Variants in REDIC1 observed in about 807,000 individuals in gnomAD.
REDIC1 encodes the protein HEI10 Interacting Protein 1.
At chr12:39,693,463 A>T in the REDIC1 span, among the ~76,000 whole-genome samples, 7 of 150,990 alleles carry the variant, frequency 4.6e-5, no homozygotes, top group Admixed American at 6.6e-5. Context: ...GTCCATTTTT[A>T]AAAAAATAAA....
chr12:39,755,845 A>T, the REDIC1 span: 1 of 152,084 alleles, frequency 6.6e-6, no homozygotes, highest in Non-Finnish European at 1.5e-5. Context: ...CTCACTAGCA[A>T]ATTATACGGA....
At chr12:39,658,787 A>G in the REDIC1 span, among the ~76,000 whole-genome samples, 4 of 152,202 alleles carry the variant, frequency 2.6e-5, no homozygotes, top group African/African-American at 4.8e-5. Context: ...ATCACAGATT[A>G]TCTTCAAGTT....
the REDIC1 span, chr12:39,626,390 G>A: frequency 2.9e-5 from 46 of 1,613,744 alleles, no homozygotes; most frequent in Non-Finnish European, 3.9e-5. Flanking sequence ...TTGAGGCTGG[G>A]ACATTCATTC....
the REDIC1 span, among the ~76,000 whole-genome samples, chr12:39,653,551 C>CT: frequency 1.6e-5 from 2 of 122,608 alleles, no homozygotes; most frequent in African/African-American, 5.9e-5. Context: ...TCTTCTTCTT[C>CT]TTCTTCTTTC....
chr12:39,895,901 C>CATATGTATATGCGTGTATATGCACACAT, the REDIC1 span, among the ~76,000 whole-genome samples: 1 of 41,522 alleles, frequency 2.4e-5, no homozygotes, highest in African/African-American at 7.4e-5. Context: ...TATGCACACA[C>CATATGTATATGCGTGTATATGCACACAT]ATATGTATAT....
At chr12:39,872,146 A>C in the REDIC1 span, among the ~76,000 whole-genome samples, 13 of 152,316 alleles carry the variant, frequency 8.5e-5, no homozygotes, top group African/African-American at 3.1e-4. Context: ...TGTTCAAATA[A>C]ATTTATTTTG....
At chr12:39,663,893 G>C in the REDIC1 span, among the ~76,000 whole-genome samples, 1 of 151,376 alleles carries the variant, frequency 6.6e-6, no homozygotes, top group African/African-American at 2.4e-5. Context: ...TTTTTGGCTT[G>C]GAAATGTTTT....
chr12:39,733,483 T>A, the REDIC1 span, among the ~76,000 whole-genome samples: 477 of 152,264 alleles, frequency 3.1e-3, 1 homozygote, highest in East Asian at 0.03. Context: ...TTTTTTAATT[T>A]TTTTATTTTA....
At chr12:39,821,548 GC>G in the REDIC1 span, among the ~76,000 whole-genome samples, 1 of 152,174 alleles carries the variant, frequency 6.6e-6, no homozygotes, top group South Asian at 2.1e-4. Flanking sequence ...CAAGCTTAAT[GC>G]GTTGCTCACA....
the REDIC1 span, among the ~76,000 whole-genome samples, chr12:39,849,658 C>G: frequency 6.6e-6 from 1 of 152,150 alleles, no homozygotes; most frequent in Admixed American, 6.5e-5. Context: ...CAATTTCTCT[C>G]TGACAGGATA....
the REDIC1 span, among the ~76,000 whole-genome samples, chr12:39,775,341 C>A: frequency 3.3e-5 from 5 of 152,174 alleles, no homozygotes; most frequent in African/African-American, 9.7e-5. Context: ...AACTGGCCAA[C>A]AAGCAAGGCA....
chr12:39,826,178 G>C, the REDIC1 span, among the ~76,000 whole-genome samples: 1 of 151,970 alleles, frequency 6.6e-6, no homozygotes, highest in African/African-American at 2.4e-5. Flanking sequence ...TTCTTAAAAA[G>C]AATGACATTC....
At chr12:39,683,138 A>G in the REDIC1 span, 2 of 1,593,724 alleles carry the variant, frequency 1.3e-6, no homozygotes, top group South Asian at 1.1e-5. Flanking sequence ...TCTGAAAGAA[A>G]AGGTTGGTAT....
chr12:39,794,123 C>CAAAAAAAA, the REDIC1 span, among the ~76,000 whole-genome samples: 3 of 78,366 alleles, frequency 3.8e-5, no homozygotes, highest in East Asian at 4.3e-4. Context: ...GGCCAAATTG[C>CAAAAAAAA]AAAAAAAAAA....
the REDIC1 span, among the ~76,000 whole-genome samples, chr12:39,815,459 A>G: frequency 1.3e-5 from 2 of 152,164 alleles, no homozygotes; most frequent in Non-Finnish European, 2.9e-5. Flanking sequence ...CGTAGGCTGG[A>G]GCATTCTTTC....
the REDIC1 span, among the ~76,000 whole-genome samples, chr12:39,824,047 A>G: frequency 1.3e-5 from 2 of 152,198 alleles, no homozygotes; most frequent in African/African-American, 2.4e-5. Flanking sequence ...ATATATTTTT[A>G]TAAGTATGGA....
the REDIC1 span, among the ~76,000 whole-genome samples, chr12:39,711,689 GTA>G: frequency 6.5e-5 from 4 of 61,286 alleles, no homozygotes; most frequent in South Asian, 1.1e-3. Flanking sequence ...GTATGCACAT[GTA>G]TGTGTATGTG....
chr12:39,851,687 A>C, the REDIC1 span, among the ~76,000 whole-genome samples: 2 of 152,216 alleles, frequency 1.3e-5, no homozygotes, highest in Non-Finnish European at 2.9e-5. Flanking sequence ...CATCAAGAGA[A>C]AAGCAGCGGA....
chr12:39,894,546 T>C, the REDIC1 span, among the ~76,000 whole-genome samples: 92 of 152,370 alleles, frequency 6.0e-4, no homozygotes, highest in African/African-American at 2.2e-3. Context: ...TTAGCTTGCA[T>C]ACTGAAGTGG....
Sources: allele counts gnomAD v4.1 joint callset (sites outside exome capture counted in the v4.1 genomes callset), GRCh38; gene constraint gnomAD v4.1.1; transcripts MANE v1.5; gene names NCBI Gene and HGNC (gene_info 2026-07-23, HGNC 2026-07-21).